The following FMN1 variants were observed in gnomAD, a reference collection of about 807,000 sequenced individuals.
The protein encoded by FMN1 is formin-1.
FMN1 carries 110 observed loss-of-function variants against 132.4 expected under a neutral mutation model. That is an observed-to-expected ratio of 0.83 (90% CI 0.71 to 0.97). FMN1 has a LOEUF of 0.97. FMN1 is among the 50% of genes least tolerant of loss of function. The pLI is 0.00. For synonymous variants in FMN1, 722 were observed against 651.7 expected, an observed-to-expected ratio of 1.11 and a Z score of -1.64; for missense variants, 1,792 against 1,705.3, an observed-to-expected ratio of 1.05 and a Z score of -0.90.
chr15:32,849,745 T>G (rs1430798312), intron 17 of FMN1, among the ~76,000 whole-genome samples: 1 of 152,012 alleles, frequency 6.6e-6, no homozygotes, highest in Non-Finnish European at 1.5e-5. Flanking sequence ...CAACCTTTGC[T>G]TCCTGGGTTC....
chr15:33,079,944 T>C (rs143392805), intron 5 of FMN1, among the ~76,000 whole-genome samples: 1 of 152,350 alleles, frequency 6.6e-6, no homozygotes, highest in Admixed American at 6.5e-5. Flanking sequence ...ATCTGGATAA[T>C]TTCTTGATCA....
chr15:32,882,707 C>T (rs570254089), intron 16 of FMN1, among the ~76,000 whole-genome samples: 5 of 152,042 alleles, frequency 3.3e-5, no homozygotes, highest in African/African-American at 9.7e-5. Context: ...TAAGTGTGTA[C>T]CATGCAATAT....
At chr15:32,856,703 C>T (rs920935188) in intron 17 of FMN1, among the ~76,000 whole-genome samples, 4 of 152,202 alleles carry the variant, frequency 2.6e-5, no homozygotes, top group African/African-American at 9.6e-5. Flanking sequence ...TGTCATTTGT[C>T]AGTAAACACG....
chr15:32,898,722 C>G (rs2060219184), intron 15 of FMN1, 112 bp downstream of exon 15: 3 of 709,682 alleles, frequency 4.2e-6, no homozygotes, highest in Non-Finnish European at 7.5e-6. Context: ...CTGGAGAGCT[C>G]TCATATTCTA....
intron 2 of FMN1, among the ~76,000 whole-genome samples, chr15:33,181,195 C>T (rs1319859686): frequency 6.6e-6 from 1 of 152,212 alleles, no homozygotes; most frequent in Non-Finnish European, 1.5e-5. Flanking sequence ...CCACTCCCTT[C>T]TGCTATAAGG....
rs368222229 is a variant in FMN1 at position 32,982,103 on chromosome 15, G to T, written c.2224-12626C>A. Among the ~76,000 whole-genome samples, 10 of 152,260 alleles carry T rather than the reference G, an allele frequency of 6.6e-5. No homozygotes were observed. The South Asian group carries it at 1.2e-3, about 19-fold the overall frequency. On this transcript the variant is annotated intron_variant, in intron 7 of 20. Coordinates refer to ENST00000616417, the MANE Select transcript of FMN1 (RefSeq NM_001277313.2). ...GATCTGAACAGATAATCTACCAAGAGAGATATACGAATAGCAAATAAGCAC... is the reference window on the plus strand; with the variant it reads ...GATCTGAACAGATAATCTACCAAGATAGATATACGAATAGCAAATAAGCAC...
intron 17 of FMN1, among the ~76,000 whole-genome samples, chr15:32,842,432 T>C (rs773772031): frequency 6.6e-6 from 1 of 152,198 alleles, no homozygotes; most frequent in Non-Finnish European, 1.5e-5. Flanking sequence ...CATTAAACTG[T>C]GAGAGATAGG....
chr15:32,977,664 T>TA (rs1002178801), intron 7 of FMN1, among the ~76,000 whole-genome samples: 1 of 152,214 alleles, frequency 6.6e-6, no homozygotes, highest in African/African-American at 2.4e-5. Flanking sequence ...CCCAAGACTC[T>TA]CGTATCACTT....
intron 6 of FMN1, among the ~76,000 whole-genome samples, chr15:33,035,911 T>A (rs539152832): frequency 2.9e-4 from 44 of 152,282 alleles, no homozygotes; most frequent in African/African-American, 9.4e-4. Context: ...GTTAGTGGGT[T>A]AATGGACTGT....
In FMN1 at chr15:32,834,811, G is replaced by T. The variant is rs116234559; in HGVS notation, c.3928+22204C>A. On this transcript the variant is annotated intron_variant, in intron 17 of 20. Transcript: ENST00000616417. ...GAAAACAGAATCACTGTTTAAAGGG[G>T]AGAAGCCCTAGTTCCCTCTGATCAC... is the stretch of plus-strand genomic sequence containing the variant. 1.6e-3 allele frequency among the ~76,000 whole-genome samples: 244 copies of T among 152,254 alleles called. 2 individuals carry two copies. Among genetic ancestry groups the T allele is most frequent in the African/African-American group, 5.8e-3 (240 of 41,550 alleles).
chr15:33,070,323 G>A (rs182742240), intron 5 of FMN1, among the ~76,000 whole-genome samples: 23 of 151,130 alleles, frequency 1.5e-4, no homozygotes, highest in African/African-American at 5.1e-4. Context: ...GTCTTCTTAC[G>A]AGCAATGCAG....
chr15:32,974,547 G>A (rs2032047606), intron 7 of FMN1, among the ~76,000 whole-genome samples: 1 of 152,136 alleles, frequency 6.6e-6, no homozygotes, highest in African/African-American at 2.4e-5. Flanking sequence ...TGGTTCTCAA[G>A]CCCTGCTCCC....
intron 9 of FMN1, among the ~76,000 whole-genome samples, chr15:32,929,981 A>ATTTTT (rs377263342): frequency 9.8e-5 from 9 of 91,986 alleles, no homozygotes; most frequent in African/African-American, 2.4e-4. Context: ...CTATTTTTAA[A>ATTTTT]TTTTTTTTTT....
intron 10 of FMN1, among the ~76,000 whole-genome samples, chr15:32,916,426 TTGAC>T (rs2060685632): frequency 6.6e-6 from 1 of 152,140 alleles, no homozygotes; most frequent in Admixed American, 6.6e-5. Flanking sequence ...GTTGTTCTCT[TTGAC>T]TGAGGGAGCA....
chr15:33,078,656 A>G (rs142678967), intron 5 of FMN1, among the ~76,000 whole-genome samples: 4 of 152,032 alleles, frequency 2.6e-5, no homozygotes, highest in African/African-American at 7.2e-5. Flanking sequence ...AAAAAAAAAA[A>G]ACAACTGGGC....
rs147114229 is a variant in FMN1, at chr15:32,934,720, C to T, written c.3139-8459G>A. On this transcript the variant is annotated intron_variant, in intron 9 of 20. Transcript: ENST00000616417. ...CTCCCAGGTTCAAGCGATTCTCCTG[C>T]CTCAGCCTCCCAAGTAGCTGAGATT... is the stretch of plus-strand genomic sequence containing the variant. 2.8e-4 allele frequency among the ~76,000 whole-genome samples: 43 copies of T among 151,422 alleles called. No homozygotes were observed. In the East Asian group the frequency reaches 8.2e-3, roughly 29 times the overall value.
At chr15:32,869,710 G>A (rs1437662969) in intron 16 of FMN1, among the ~76,000 whole-genome samples, 1 of 152,130 alleles carries the variant, frequency 6.6e-6, no homozygotes, top group African/African-American at 2.4e-5. Flanking sequence ...GGCCAGCAAT[G>A]AACAGAGAAG....
intron 20 of FMN1, among the ~76,000 whole-genome samples, chr15:32,774,573 G>A (rs1377429767): frequency 2.0e-5 from 3 of 151,958 alleles, no homozygotes; most frequent in Non-Finnish European, 4.4e-5. Flanking sequence ...TCAATAACCA[G>A]CCAATCTACC....
chr15:32,795,025 G>A (rs150712724), intron 19 of FMN1, among the ~76,000 whole-genome samples: 1,778 of 151,982 alleles, frequency 0.012, 35 homozygotes, highest in African/African-American at 0.04. Flanking sequence ...GTGAGACACC[G>A]TCTCTACAAA....
Sources: gnomAD v4.1 joint callset for allele counts (sites outside exome capture counted in the v4.1 genomes callset) on GRCh38, gnomAD v4.1.1 for gene constraint, MANE v1.5 for transcripts, NCBI Gene and HGNC (gene_info 2026-07-23, HGNC 2026-07-21) for gene names.